The following CPA6 variants were observed in gnomAD, a reference collection of about 807,000 sequenced individuals.
CPA6 encodes carboxypeptidase A6.
In CPA6, 58 loss-of-function variants were observed where a neutral mutation model predicts 63.3. The observed-to-expected ratio is 0.92, with a 90% CI of 0.74 to 1.14. CPA6 has a LOEUF of 1.14. Ranked by LOEUF, CPA6 falls within the 50% of genes most tolerant of loss-of-function variation. The pLI, the probability that CPA6 is intolerant of heterozygous loss-of-function variation, is 0.00. For synonymous variants in CPA6, 185 were observed against 179.0 expected, an observed-to-expected ratio of 1.03 and a Z score of -0.27; for missense variants, 565 against 526.6, an observed-to-expected ratio of 1.07 and a Z score of -0.71.
chr8:67,701,464 G>A lies in CPA6; in HGVS notation c.116+44550C>T, dbSNP rs76240995. Among the ~76,000 whole-genome samples the A allele has an allele frequency of 4.1e-3, 623 of 152,330 alleles. 4 individuals carry two copies. Among genetic ancestry groups the A allele is most frequent in the African/African-American group, 0.013 (521 of 41,580 alleles). ...TTGAAGGGACAGATACACCGTGACT[G>A]TGGAACCGAGTGACAGATAAAAGAA... On this transcript the variant is annotated intron_variant, in intron 1 of 10. Coordinates refer to ENST00000297770, the MANE Select transcript of CPA6 (RefSeq NM_020361.5).
chr8:67,697,598 G>A (rs142069225), intron 1 of CPA6, among the ~76,000 whole-genome samples: 1 of 152,262 alleles, frequency 6.6e-6, no homozygotes, highest in African/African-American at 2.4e-5. Context: ...CCTCTTGAGG[G>A]AAAAGGCACT....
At chr8:67,633,077 A>G (rs182125712) in intron 1 of CPA6, among the ~76,000 whole-genome samples, 33 of 152,244 alleles carry the variant, frequency 2.2e-4, no homozygotes, top group Admixed American at 1.4e-3. Context: ...TGATTCATAT[A>G]TTTTGATGTG....
chr8:67,559,053 G>A (rs1813136954), intron 2 of CPA6, among the ~76,000 whole-genome samples: 1 of 152,142 alleles, frequency 6.6e-6, no homozygotes, highest in African/African-American at 2.4e-5. Flanking sequence ...GGGCCCATGT[G>A]AATCAGAGGG....
intron 8 of CPA6, among the ~76,000 whole-genome samples, chr8:67,448,669 A>AG: frequency 7.0e-6 from 1 of 143,682 alleles, no homozygotes; most frequent in South Asian, 2.2e-4. Context: ...AGAACGAAAA[A>AG]GAAAAAAAAA....
At chr8:67,630,601 C>G (rs111951831) in intron 1 of CPA6, among the ~76,000 whole-genome samples, 2 of 152,256 alleles carry the variant, frequency 1.3e-5, no homozygotes, top group South Asian at 4.1e-4. Context: ...AGTGCCTCCT[C>G]GGCCTCAATG....
At chr8:67,738,480 A>G (rs1817855078) in intron 1 of CPA6, among the ~76,000 whole-genome samples, 1 of 152,242 alleles carries the variant, frequency 6.6e-6, no homozygotes, top group African/African-American at 2.4e-5. Flanking sequence ...TGAGAGAGAA[A>G]TGGATTTGTT....
In CPA6 at chr8:67,696,410, G is replaced by T. The variant is rs1454258201; in HGVS notation, c.116+49604C>A. 2.4e-4 allele frequency among the ~76,000 whole-genome samples: 36 copies of T among 152,184 alleles called. 1 individual carries two copies. The highest frequency in any genetic ancestry group is 2.4e-3 in the Admixed American group (36 of 15,284). On this transcript the variant is annotated intron_variant, in intron 1 of 10. Transcript: ENST00000297770. Reference sequence around the variant, plus strand: ...AGATTGACAATATCAAGTGTTGCAAGGTCATGGAGCATTGTGGGAATTCAA... The same window carrying T: ...AGATTGACAATATCAAGTGTTGCAATGTCATGGAGCATTGTGGGAATTCAA...
chr8:67,537,201 T>C (rs1563990602), intron 2 of CPA6, among the ~76,000 whole-genome samples: 2 of 152,236 alleles, frequency 1.3e-5, no homozygotes, highest in African/African-American at 2.4e-5. Context: ...AGGATGATGC[T>C]GGCCTCATAA....
intron 8 of CPA6, among the ~76,000 whole-genome samples, chr8:67,472,388 T>TTATTCTATTC (rs1811081660): frequency 8.2e-6 from 1 of 122,304 alleles, no homozygotes; most frequent in African/African-American, 4.0e-5. Flanking sequence ...TTATTTTATT[T>TTATTCTATTC]TATTTTATTT....
At chr8:67,594,047 C>A (rs925151948) in intron 2 of CPA6, among the ~76,000 whole-genome samples, 2 of 151,578 alleles carry the variant, frequency 1.3e-5, no homozygotes, top group African/African-American at 2.4e-5. Context: ...ATGTTTAGTG[C>A]TTCCTTCAGG....
At chr8:67,581,167 T>A (rs1212394263) in intron 2 of CPA6, among the ~76,000 whole-genome samples, 2 of 152,358 alleles carry the variant, frequency 1.3e-5, no homozygotes, top group Non-Finnish European at 2.9e-5. Context: ...AGATTTACAG[T>A]ACTGGTCAAT....
At chr8:67,436,251 G>A (rs1196299330) in intron 8 of CPA6, among the ~76,000 whole-genome samples, 2 of 152,080 alleles carry the variant, frequency 1.3e-5, no homozygotes, top group African/African-American at 2.4e-5. Flanking sequence ...AGGCGAAGCC[G>A]ATGTCCCTGT....
intron 8 of CPA6, among the ~76,000 whole-genome samples, chr8:67,440,662 T>C (rs183051074): frequency 2.6e-5 from 4 of 152,290 alleles, no homozygotes; most frequent in Admixed American, 1.3e-4. Flanking sequence ...CTTATGCAAA[T>C]GTAGATGGTG....
intron 8 of CPA6, among the ~76,000 whole-genome samples, chr8:67,445,896 T>C (rs982999033): frequency 2.0e-5 from 3 of 151,960 alleles, no homozygotes; most frequent in Non-Finnish European, 4.4e-5. Context: ...AAATATTTAA[T>C]GGAAAAAAGA....
intron 8 of CPA6, among the ~76,000 whole-genome samples, chr8:67,442,934 T>A (rs1810325813): frequency 6.6e-6 from 1 of 152,140 alleles, no homozygotes; most frequent in African/African-American, 2.4e-5. Context: ...GCTTGATGCA[T>A]CCCCACAGAC....
chr8:67,733,530 T>C (rs912003802), intron 1 of CPA6, among the ~76,000 whole-genome samples: 4 of 152,176 alleles, frequency 2.6e-5, no homozygotes, highest in Non-Finnish European at 5.9e-5. Context: ...ACATTTTATC[T>C]CCGCTCAGAG....
At chr8:67,533,021 C>G (rs1390929532) in intron 2 of CPA6, among the ~76,000 whole-genome samples, 2 of 152,148 alleles carry the variant, frequency 1.3e-5, no homozygotes, top group African/African-American at 4.8e-5. Context: ...AGGACTTATT[C>G]CAGGCTCACT....
chr8:67,459,877 T>G (rs1191311314), intron 8 of CPA6, among the ~76,000 whole-genome samples: 1 of 152,224 alleles, frequency 6.6e-6, no homozygotes, highest in Non-Finnish European at 1.5e-5. Flanking sequence ...TTGTAATACA[T>G]GTACCATCCT....
chr8:67,458,342 C>T (rs907805064), intron 8 of CPA6, among the ~76,000 whole-genome samples: 11 of 152,154 alleles, frequency 7.2e-5, no homozygotes, highest in Non-Finnish European at 1.2e-4. Flanking sequence ...GAATTACAGG[C>T]GCTCACCACC....
Sources: allele counts gnomAD v4.1 joint callset (sites outside exome capture counted in the v4.1 genomes callset), GRCh38; gene constraint gnomAD v4.1.1; transcripts MANE v1.5; gene names NCBI Gene and HGNC (gene_info 2026-07-23, HGNC 2026-07-21).